Variants in LRRC1 observed in about 807,000 individuals in gnomAD.
LRRC1 encodes the protein leucine-rich repeat-containing protein 1.
A neutral mutation model predicts 69.9 loss-of-function variants in LRRC1; 28 were observed. That is an observed-to-expected ratio of 0.40 (90% CI 0.30 to 0.55). The LOEUF is 0.55. LRRC1 is among the 20% of genes least tolerant of loss of function. The pLI is 0.47. For missense variants in LRRC1, 498 were observed against 609.0 expected, an observed-to-expected ratio of 0.82 and a Z score of 1.92; for synonymous variants, 236 against 240.2, an observed-to-expected ratio of 0.98 and a Z score of 0.16.
At chr6:53,916,879 C>G (rs1484544156) in intron 11 of LRRC1, among the ~76,000 whole-genome samples, 1 of 152,166 alleles carries the variant, frequency 6.6e-6, no homozygotes, top group Non-Finnish European at 1.5e-5. Flanking sequence ...TGGTCATGGA[C>G]ATAACTGGAG....
chr6:53,798,806 T>C (rs10948779), intron 1 of LRRC1, among the ~76,000 whole-genome samples: 125,835 of 152,248 alleles, frequency 0.83, 52,234 homozygotes, highest in East Asian at 0.96. Flanking sequence ...GCTTCTTTCT[T>C]TTCCCTTAAG....
At chr6:53,898,601 A>G (rs1365352140) in intron 7 of LRRC1, among the ~76,000 whole-genome samples, 1 of 152,254 alleles carries the variant, frequency 6.6e-6, no homozygotes. Flanking sequence ...TTAAATCAGC[A>G]TAAACACACC....
intron 4 of LRRC1, among the ~76,000 whole-genome samples, chr6:53,886,259 A>T (rs1767474717): frequency 6.6e-6 from 1 of 152,222 alleles, no homozygotes; most frequent in South Asian, 2.1e-4. Context: ...ACAAGAGTTA[A>T]GTTACTGTGG....
At chr6:53,837,018 T>C (rs746254222) in intron 1 of LRRC1, among the ~76,000 whole-genome samples, 3 of 152,310 alleles carry the variant, frequency 2.0e-5, no homozygotes, top group Middle Eastern at 6.8e-3. Flanking sequence ...CTGAACATTA[T>C]CTCTAAGATT....
chr6:53,814,727 C>T (rs1764901155), intron 1 of LRRC1, among the ~76,000 whole-genome samples: 1 of 152,104 alleles, frequency 6.6e-6, no homozygotes, highest in South Asian at 2.1e-4. Context: ...TTCAGTTAGA[C>T]CTTTGGTTGG....
At chr6:53,893,548 CTT>C (rs1767769998) in intron 4 of LRRC1, among the ~76,000 whole-genome samples, 1 of 152,140 alleles carries the variant, frequency 6.6e-6, no homozygotes, top group Non-Finnish European at 1.5e-5. Context: ...AAATCTGAAA[CTT>C]TATGAGTGCC....
intron 2 of LRRC1, among the ~76,000 whole-genome samples, chr6:53,866,990 G>T (rs888812321): frequency 6.6e-6 from 1 of 151,794 alleles, no homozygotes; most frequent in Non-Finnish European, 1.5e-5. Context: ...CAGGTGGCAC[G>T]CGTCTCTTCA....
intron 2 of LRRC1, among the ~76,000 whole-genome samples, chr6:53,847,931 A>C (rs1280897340): frequency 1.3e-5 from 2 of 152,192 alleles, no homozygotes. Flanking sequence ...CACACACCAG[A>C]AGTGTGGTAG....
chr6:53,827,047 TGGG>T (rs1220036503), intron 1 of LRRC1, among the ~76,000 whole-genome samples: 3 of 152,204 alleles, frequency 2.0e-5, no homozygotes, highest in Non-Finnish European at 2.9e-5. Context: ...AAGAATTAAC[TGGG>T]AACATTTGTT....
intron 10 of LRRC1, 121 bp downstream of exon 10, chr6:53,904,583 T>C (rs1768171580): frequency 1.6e-6 from 1 of 617,404 alleles, no homozygotes; most frequent in Non-Finnish European, 2.8e-6. Context: ...AGGTGTGAAC[T>C]CTAAATCTGT....
intron 1 of LRRC1, among the ~76,000 whole-genome samples, chr6:53,832,788 C>T (rs1765467211): frequency 6.6e-6 from 1 of 152,046 alleles, no homozygotes; most frequent in Non-Finnish European, 1.5e-5. Flanking sequence ...GCCTAAGTTC[C>T]TTTTTTTCTC....
intron 1 of LRRC1, among the ~76,000 whole-genome samples, chr6:53,833,469 G>C (rs1765491011): frequency 6.6e-6 from 1 of 152,134 alleles, no homozygotes; most frequent in South Asian, 2.1e-4. Flanking sequence ...AGAGGATAAA[G>C]GTATTAGGGG....
intron 1 of LRRC1, among the ~76,000 whole-genome samples, chr6:53,811,480 A>C (rs189100355): frequency 9.2e-5 from 14 of 152,356 alleles, no homozygotes; most frequent in African/African-American, 3.4e-4. Context: ...GGTGTTAATG[A>C]GGAGTAAAAT....
intron 2 of LRRC1, among the ~76,000 whole-genome samples, chr6:53,873,406 C>T (rs1296988031): frequency 6.6e-6 from 1 of 151,466 alleles, no homozygotes; most frequent in Non-Finnish European, 1.5e-5. Flanking sequence ...ATTCTCCTGC[C>T]TCAGCCTCCC....
rs1261443642 is a variant in LRRC1 at position 53,922,891 on chromosome 6, C to T, written c.*98C>T. The T allele has an allele frequency of 3.5e-6, 4 of 1,157,246 alleles. No homozygotes were observed. The highest frequency in any genetic ancestry group is 4.9e-6 in the Non-Finnish European group (4 of 813,540). The allele number at this position is 1,157,246 out of a possible 1,614,324, so 71.7% of individuals were successfully genotyped here. ...CTCACGTGCTCCTTGTCCTAACCAG[C>T]CCCCGCGCGCCATCTTCCCGTGGAG... is the stretch of plus-strand genomic sequence containing the variant. On this transcript the variant is annotated 3_prime_UTR_variant, in exon 14 of 14. Transcript: ENST00000370888.
intron 10 of LRRC1, among the ~76,000 whole-genome samples, chr6:53,913,069 A>C (rs1768462237): frequency 6.6e-6 from 1 of 152,198 alleles, no homozygotes; most frequent in African/African-American, 2.4e-5. Context: ...CTTTTTGAAG[A>C]CCAGACTCAT....
intron 11 of LRRC1, among the ~76,000 whole-genome samples, chr6:53,915,130 T>G (rs901172841): frequency 6.6e-6 from 1 of 152,156 alleles, no homozygotes; most frequent in Non-Finnish European, 1.5e-5. Flanking sequence ...GTTCAACTGC[T>G]TGGGGGAAGA....
chr6:53,817,639 C>T (rs766194364), intron 1 of LRRC1, among the ~76,000 whole-genome samples: 5 of 152,166 alleles, frequency 3.3e-5, no homozygotes, highest in Non-Finnish European at 7.4e-5. Flanking sequence ...ATTCTCCTTA[C>T]CTCCAGCCTC....
chr6:53,848,321 A>ACAC (rs1381726534), intron 2 of LRRC1, among the ~76,000 whole-genome samples: 1 of 152,216 alleles, frequency 6.6e-6, no homozygotes, highest in East Asian at 1.9e-4. Context: ...ATTGCCTTCT[A>ACAC]CACACATTTT....
Sources: gnomAD v4.1 joint callset for allele counts (sites outside exome capture counted in the v4.1 genomes callset) on GRCh38, gnomAD v4.1.1 for gene constraint, MANE v1.5 for transcripts, NCBI Gene and HGNC (gene_info 2026-07-23, HGNC 2026-07-21) for gene names.